HUNK: variants seen among roughly 807,000 people sequenced by gnomAD.
HUNK encodes hormonally up-regulated Neu-associated kinase, also known as hormonally up-regulated neu tumor-associated kinase.
Under a neutral mutation model 61.0 loss-of-function variants are expected in HUNK, and 21 were observed. That is an observed-to-expected ratio of 0.34 (90% confidence interval 0.24 to 0.50). The LOEUF is 0.50. HUNK is among the 20% of genes least tolerant of loss of function. HUNK has a pLI of 0.98. For missense variants in HUNK, 772 were observed against 945.7 expected (o/e 0.82, Z 2.41); for synonymous variants, 371 against 386.1 (o/e 0.96, Z 0.46).
At chr21:31,983,831 G>A (rs987970796) in intron 8 of HUNK, among the ~76,000 whole-genome samples, 4 of 152,180 alleles carry the variant, frequency 2.6e-5, no homozygotes, top group African/African-American at 7.2e-5. Context: ...CACGGGGAGC[G>A]TTTAAACATC....
chr21:31,995,207 G>A (rs2053196229), intron 9 of HUNK, among the ~76,000 whole-genome samples: 1 of 145,014 alleles, frequency 6.9e-6, no homozygotes, highest in South Asian at 2.2e-4. Flanking sequence ...TCATACACAC[G>A]AGTACTAAGT....
At chr21:31,996,586 G>A (rs1477300862) in intron 10 of HUNK, among the ~76,000 whole-genome samples, 2 of 152,188 alleles carry the variant, frequency 1.3e-5, no homozygotes, top group Admixed American at 6.5e-5. Context: ...ACTGGGCACA[G>A]GCTTAACACA....
chr21:31,986,202 C>G (rs2053131705), intron 8 of HUNK, among the ~76,000 whole-genome samples: 1 of 152,048 alleles, frequency 6.6e-6, no homozygotes. Flanking sequence ...GACTCTCCCC[C>G]CGCCGCCCTC....
chr21:31,876,598 C>A (rs546525866), intron 1 of HUNK, among the ~76,000 whole-genome samples: 5 of 152,254 alleles, frequency 3.3e-5, no homozygotes, highest in African/African-American at 1.2e-4. Context: ...TATTTACAAC[C>A]TGAAGTTCTT....
Position 31,968,238 on chromosome 21 carries a change from A to G in HUNK, c.875-12A>G. 1.2e-6 allele frequency: 2 copies of G among 1,614,052 alleles called. No homozygotes were observed. The highest frequency in any genetic ancestry group is 1.7e-6 in the Non-Finnish European group (2 of 1,179,998). ...TGTAACATGCGTGCATTCTTTCCCA[A>G]ATGTCTCCCAGGTGCCATCAGTTTC... On this transcript the variant is annotated splice_polypyrimidine_tract_variant and intron_variant, in intron 5 of 10. Transcript: ENST00000270112.
intron 1 of HUNK, among the ~76,000 whole-genome samples, chr21:31,918,269 G>C (rs1413844836): frequency 6.6e-6 from 1 of 152,158 alleles, no homozygotes; most frequent in African/African-American, 2.4e-5. Context: ...TAATGAGCTG[G>C]TATTTGAAAA....
chr21:31,996,430 C>T (rs997582927), intron 10 of HUNK, among the ~76,000 whole-genome samples: 3 of 152,142 alleles, frequency 2.0e-5, no homozygotes, highest in Admixed American at 2.0e-4. Context: ...TGTAAGGCCT[C>T]CCACCTGTTG....
chr21:31,945,787 T>G (rs115367077), intron 3 of HUNK, among the ~76,000 whole-genome samples: 2,632 of 151,968 alleles, frequency 0.017, 80 homozygotes, highest in African/African-American at 0.06. Context: ...CTGTTTGCTC[T>G]AACTGGCTTT....
chr21:31,958,044 A>C (rs2052901275), intron 4 of HUNK, among the ~76,000 whole-genome samples: 1 of 152,136 alleles, frequency 6.6e-6, no homozygotes, highest in African/African-American at 2.4e-5. Flanking sequence ...CTTGTAAGCC[A>C]TCCTTGGAAA....
chr21:31,993,004 C>G (rs1449614524), intron 9 of HUNK, among the ~76,000 whole-genome samples: 1 of 152,036 alleles, frequency 6.6e-6, no homozygotes, highest in Non-Finnish European at 1.5e-5. Context: ...GAAGGATATG[C>G]TAGGGGTTCT....
intron 3 of HUNK, among the ~76,000 whole-genome samples, chr21:31,944,487 C>T (rs1392683422): frequency 1.3e-5 from 2 of 152,116 alleles, no homozygotes; most frequent in Non-Finnish European, 2.9e-5. Flanking sequence ...CTGATATCTC[C>T]TCCTAAGGTG....
intron 1 of HUNK, among the ~76,000 whole-genome samples, chr21:31,876,640 C>G (rs1157227902): frequency 6.6e-6 from 1 of 152,086 alleles, no homozygotes; most frequent in Non-Finnish European, 1.5e-5. Context: ...TGATTTTGGC[C>G]TGGGGAAAGT....
intron 7 of HUNK, among the ~76,000 whole-genome samples, chr21:31,981,162 C>T (rs529714715): frequency 6.6e-6 from 1 of 152,258 alleles, no homozygotes; most frequent in East Asian, 1.9e-4. Context: ...AGTAATTGAC[C>T]GTAAGTGCAT....
chr21:31,949,594 C>T (rs553438511), intron 4 of HUNK, among the ~76,000 whole-genome samples: 6 of 152,100 alleles, frequency 3.9e-5, no homozygotes, highest in East Asian at 1.9e-4. Flanking sequence ...CACACACACA[C>T]GCACACAAAA....
chr21:31,883,884 G>A (rs1207429940), intron 1 of HUNK, among the ~76,000 whole-genome samples: 1 of 152,214 alleles, frequency 6.6e-6, no homozygotes, highest in African/African-American at 2.4e-5. Flanking sequence ...ACCGGTGCCA[G>A]TTGGGCTACA....
rs577745111 is a variant in HUNK, at chr21:32,001,471, G to A, written c.*2287G>A. The A allele has an allele frequency of 6.6e-6, 1 of 152,422 alleles. No individual in the cohort carries two copies. The highest frequency in any genetic ancestry group is 2.4e-5 in the African/African-American group (1 of 41,550). The allele number at this position is 152,422 out of a possible 1,614,324, so 9.4% of individuals were successfully genotyped here. On this transcript the variant is annotated 3_prime_UTR_variant, in exon 11 of 11. Transcript: ENST00000270112. ...CTGATGCATTTTCCTTGAGAGCAGG[G>A]GTACTTCCGCCTTGCCGTTAGCTTG...
chr21:31,874,559 C>T (rs143638574), intron 1 of HUNK, among the ~76,000 whole-genome samples: 1 of 151,990 alleles, frequency 6.6e-6, no homozygotes, highest in Non-Finnish European at 1.5e-5. Context: ...AACCTGTGCT[C>T]CTCTCTATCC....
intron 1 of HUNK, among the ~76,000 whole-genome samples, chr21:31,886,175 T>C (rs1405018851): frequency 6.6e-6 from 1 of 152,086 alleles, no homozygotes; most frequent in Non-Finnish European, 1.5e-5. Context: ...TAATCTTAGC[T>C]CTTTGGGAAG....
intron 2 of HUNK, among the ~76,000 whole-genome samples, chr21:31,939,703 C>T (rs1232203146): frequency 4.0e-5 from 6 of 149,914 alleles, no homozygotes; most frequent in South Asian, 2.1e-4. Flanking sequence ...CCACCGTGCC[C>T]GGCCTCATGT....
Sources: gnomAD v4.1 joint callset for allele counts (sites outside exome capture counted in the v4.1 genomes callset) on GRCh38, gnomAD v4.1.1 for gene constraint, MANE v1.5 for transcripts, NCBI Gene and HGNC (gene_info 2026-07-23, HGNC 2026-07-21) for gene names.